Variants in NAALADL2 observed in about 807,000 individuals in gnomAD.
NAALADL2 encodes the protein inactive N-acetylated-alpha-linked acidic dipeptidase-like protein 2.
A neutral mutation model predicts 87.2 loss-of-function variants in NAALADL2; 76 were observed. The observed-to-expected ratio is 0.87, with a 90% CI of 0.72 to 1.05. The LOEUF (loss-of-function observed/expected upper bound fraction) is 1.05. Ranked by LOEUF, NAALADL2 falls within the 50% of genes least tolerant of loss-of-function variation. The pLI is 0.00. For synonymous variants in NAALADL2, 354 were observed against 331.0 expected, an observed-to-expected ratio of 1.07 and a Z score of -0.75; for missense variants, 1,089 against 945.8, an observed-to-expected ratio of 1.15 and a Z score of -1.99.
intron 10 of NAALADL2, among the ~76,000 whole-genome samples, chr3:175,579,526 A>G (rs1719436582): frequency 6.6e-6 from 1 of 152,202 alleles, no homozygotes; most frequent in South Asian, 2.1e-4. Context: ...TTTTCCAATA[A>G]TTAACTTTTG....
rs1553861101 is a variant in NAALADL2 at position 175,324,028 on chromosome 3, C to CAAACAA, written c.940-144_940-143insCAAAAA. 206 of 436,704 alleles carry CAAACAA rather than the reference C, an allele frequency of 4.7e-4. 1 individual carries two copies. Among genetic ancestry groups the CAAACAA allele is most frequent in the South Asian group, 8.2e-4 (25 of 30,548 alleles). 27.1% of individuals were successfully genotyped at this position (436,704 alleles called of 1,614,324 possible). A position where few individuals can be genotyped will look rare whatever the true frequency, so the allele number is the denominator to read the frequency against. On this transcript the variant is annotated intron_variant, in intron 4 of 13. Transcript: ENST00000454872. ...GCGAGACTCCATCTCAAAAAACAAACAAAAAAAAAAAAAAAGAAAAAGAAA... is the reference window on the plus strand; with the variant it reads ...GCGAGACTCCATCTCAAAAAACAAACAAACAAAAAAAAAAAAAAAAAGAAAAAGAAA...
intron 1 of NAALADL2, among the ~76,000 whole-genome samples, chr3:174,891,075 A>T: frequency 6.6e-6 from 1 of 152,192 alleles, no homozygotes; most frequent in East Asian, 1.9e-4. Flanking sequence ...CATATCACAA[A>T]TTATACTCTT....
At chr3:174,896,390 TAAAA>T in intron 1 of NAALADL2, among the ~76,000 whole-genome samples, 1 of 151,980 alleles carries the variant, frequency 6.6e-6, no homozygotes, top group East Asian at 1.9e-4. Context: ...TGAACAATGT[TAAAA>T]AGAAATAAAA....
intron 2 of NAALADL2, among the ~76,000 whole-genome samples, chr3:174,718,516 A>G (rs982582196): frequency 1.3e-5 from 2 of 152,192 alleles, no homozygotes; most frequent in African/African-American, 4.8e-5. Context: ...AGCAATTAAT[A>G]GCAGAACTAG....
At chr3:175,708,920 C>G (rs1368026508) in intron 11 of NAALADL2, among the ~76,000 whole-genome samples, 1 of 151,946 alleles carries the variant, frequency 6.6e-6, no homozygotes, top group Admixed American at 6.6e-5. Context: ...TGGAAAACTA[C>G]TCATGTACAT....
chr3:174,603,810 A>G (rs565392370), intron 2 of NAALADL2, among the ~76,000 whole-genome samples: 1 of 151,262 alleles, frequency 6.6e-6, no homozygotes, highest in African/African-American at 2.4e-5. Context: ...TTTTTTAAAA[A>G]TTTTTTCTCT....
At chr3:174,820,299 T>A (rs56143813) in intron 3 of NAALADL2, among the ~76,000 whole-genome samples, 2 of 152,134 alleles carry the variant, frequency 1.3e-5, no homozygotes, top group African/African-American at 2.4e-5. Flanking sequence ...GTCATTAGAT[T>A]TGTAAAATTA....
chr3:174,959,171 C>A (rs1425391904), intron 1 of NAALADL2, among the ~76,000 whole-genome samples: 1 of 152,000 alleles, frequency 6.6e-6, no homozygotes, highest in Non-Finnish European at 1.5e-5. Flanking sequence ...TTTGTAAAAA[C>A]CAGGCCAATT....
At position 175,169,041 on chromosome 3, in the gene NAALADL2, C is replaced by A. The variant is rs533504546; in HGVS notation, c.546-64890C>A. 3.4e-3 allele frequency among the ~76,000 whole-genome samples: 511 copies of A among 151,668 alleles called. 2 individuals carry two copies. Among genetic ancestry groups the A allele is most frequent in the African/African-American group, 0.012 (479 of 41,438 alleles). On this transcript the variant is annotated intron_variant, in intron 2 of 13. Transcript: ENST00000454872. ...ATTTCACTGTTCACATATATTACCA[C>A]CAAAACTCAAGTAAATTGAATGTGT...
intron 5 of NAALADL2, among the ~76,000 whole-genome samples, chr3:175,329,105 A>G (rs1047620075): frequency 6.6e-6 from 1 of 152,136 alleles, no homozygotes; most frequent in Admixed American, 6.5e-5. Flanking sequence ...CTGGTAATCT[A>G]TTTACTACCA....
chr3:174,756,174 A>T (rs1553847937), intron 3 of NAALADL2, among the ~76,000 whole-genome samples: 1 of 152,236 alleles, frequency 6.6e-6, no homozygotes, highest in Admixed American at 6.5e-5. Context: ...TCAAAATTAT[A>T]GCTTTCTTGT....
intron 9 of NAALADL2, among the ~76,000 whole-genome samples, chr3:175,545,631 A>G (rs1582338637): frequency 6.6e-6 from 1 of 152,244 alleles, no homozygotes; most frequent in African/African-American, 2.4e-5. Flanking sequence ...TTAAATATTT[A>G]TTATCATGCT....
At chr3:174,609,783 A>G (rs971497478) in intron 2 of NAALADL2, among the ~76,000 whole-genome samples, 3 of 152,180 alleles carry the variant, frequency 2.0e-5, no homozygotes, top group Admixed American at 6.5e-5. Context: ...TAAGCTACCA[A>G]TGACTTTCTT....
chr3:174,618,225 A>C (rs800217), intron 2 of NAALADL2, among the ~76,000 whole-genome samples: 90,921 of 151,384 alleles, frequency 0.6, 27,920 homozygotes, highest in East Asian at 0.87. Context: ...TGCTTTCATT[A>C]CCTATTTTAA....
intron 3 of NAALADL2, among the ~76,000 whole-genome samples, chr3:174,836,546 A>G (rs867390532): frequency 1.5e-4 from 23 of 152,020 alleles, no homozygotes; most frequent in Middle Eastern, 3.4e-3. Context: ...CTAAAAATAC[A>G]ACAACAAAGA....
chr3:175,597,077 AT>A lies in NAALADL2; in HGVS notation c.1800+20893del, dbSNP rs538062933. 1.6e-3 allele frequency among the ~76,000 whole-genome samples: 236 copies of A among 152,106 alleles called. 1 individual carries two copies. The highest frequency in any genetic ancestry group is 2.9e-3 in the Non-Finnish European group (196 of 67,876). ...TTAGAGAGAATGCATAATGACTTTTATTTCTTCTGAAATATGCATAACTTCT... is the reference window on the plus strand; with the variant it reads ...TTAGAGAGAATGCATAATGACTTTTATTCTTCTGAAATATGCATAACTTCT... On this transcript the variant is annotated intron_variant, in intron 10 of 13. Coordinates refer to ENST00000454872, the MANE Select transcript of NAALADL2 (RefSeq NM_207015.3).
chr3:175,501,789 G>T lies in NAALADL2; in HGVS notation c.1653+30031G>T, dbSNP rs780656781. Among the ~76,000 whole-genome samples the T allele has an allele frequency of 2.1e-4, 32 of 152,240 alleles. 1 individual carries two copies. The highest frequency in any genetic ancestry group is 4.1e-4 in the Non-Finnish European group (28 of 68,018). ...GAAATTATGAAACTTGAATTTAGGA[G>T]AAAGGTAAATGCTAAATATAAAAAA... is the stretch of plus-strand genomic sequence containing the variant. On this transcript the variant is annotated intron_variant, in intron 9 of 13. Coordinates refer to ENST00000454872, the MANE Select transcript of NAALADL2 (RefSeq NM_207015.3).
intron 1 of NAALADL2, among the ~76,000 whole-genome samples, chr3:174,460,224 G>C (rs1357416846): frequency 6.6e-6 from 1 of 150,656 alleles, no homozygotes; most frequent in Non-Finnish European, 1.5e-5. Flanking sequence ...TCTTGGATCA[G>C]AATGGGAAAG....
intron 11 of NAALADL2, among the ~76,000 whole-genome samples, chr3:175,656,223 A>G (rs978079126): frequency 2.0e-5 from 3 of 152,212 alleles, no homozygotes; most frequent in African/African-American, 7.2e-5. Context: ...AGAGACAGGT[A>G]TAGTCCCACT....
Sources: allele counts gnomAD v4.1 joint callset (sites outside exome capture counted in the v4.1 genomes callset), GRCh38; gene constraint gnomAD v4.1.1; transcripts MANE v1.5; gene names NCBI Gene and HGNC (gene_info 2026-07-23, HGNC 2026-07-21).